Variants in HUS1 observed in about 807,000 individuals in gnomAD.
HUS1 encodes the protein checkpoint protein HUS1.
A neutral mutation model predicts 32.6 loss-of-function variants in HUS1; 31 were observed. That is an observed-to-expected ratio of 0.95 (90% CI 0.72 to 1.28). HUS1 has a LOEUF of 1.28. HUS1 is among the 50% of genes most tolerant of loss of function. The pLI is 0.00. For synonymous variants in HUS1, 123 were observed against 116.6 expected (o/e 1.06, Z -0.36); for missense variants, 340 against 337.7 (o/e 1.01, Z -0.05).
intron 7 of HUS1, 66 bp downstream of exon 7, chr7:47,967,740 C>T (rs563410843): frequency 2.3e-6 from 3 of 1,320,992 alleles, no homozygotes; most frequent in African/African-American, 1.5e-5. Context: ...ATCTGTTAGA[C>T]TAGAGTTGAC....
At chr7:47,972,094 A>G (rs963727627) in intron 5 of HUS1, among the ~76,000 whole-genome samples, 55 of 152,272 alleles carry the variant, frequency 3.6e-4, no homozygotes, top group African/African-American at 1.3e-3. Flanking sequence ...TTTTCCTACA[A>G]TCTGGAACAA....
intron 7 of HUS1, among the ~76,000 whole-genome samples, 173 bp from the exon 8 acceptor site, chr7:47,965,611 T>A (rs377500507): frequency 6.6e-6 from 1 of 152,172 alleles, no homozygotes; most frequent in East Asian, 1.9e-4. Flanking sequence ...TGAGGCTACA[T>A]CACGGCCCCA....
rs1788688399 is a variant in HUS1 at position 47,975,674 on chromosome 7, AAATAAATACTAACC to A, written c.466-1_478del. On this transcript the variant is annotated splice_acceptor_variant and coding_sequence_variant, in exon 5 of 8. Coordinates refer to ENST00000258774, the MANE Select transcript of HUS1 (RefSeq NM_004507.4). LOFTEE classifies it high-confidence loss of function. ...ACTCTTCATAGTCTTCAAGACTGGT[AAATAAATACTAACC>A]TACAAAACCAATGAGAAAAAAGCAC... 2 of 1,585,840 alleles carry A rather than the reference AAATAAATACTAACC, an allele frequency of 1.3e-6. No individual in the cohort carries two copies. Among genetic ancestry groups the A allele is most frequent in the East Asian group, 4.5e-5 (2 of 44,748 alleles).
rs963706140 is a variant in HUS1, at chr7:47,975,652, C to G, written c.501G>C (p.Lys167Asn). 36 of 1,603,766 alleles carry G rather than the reference C, an allele frequency of 2.2e-5. No homozygotes were observed. Among genetic ancestry groups the G allele is most frequent in the Non-Finnish European group, 2.9e-5 (34 of 1,171,794 alleles). The part of the protein sequence containing the change: ...SIYLPVLKTM[K>N]SVVEKMKNIS... ...TGTTTTTCATTTTTTCCACAACACT[C>G]TTCATAGTCTTCAAGACTGGTAAAT... Residue 167 changes from lysine to asparagine, a missense_variant, in exon 5 of 8, where the codon AAG becomes AAC. Physicochemically the swap from Lys to Asn is moderately conservative, Grantham distance 94. Transcript: ENST00000258774.
At chr7:47,971,919 G>A (rs1317484895) in intron 5 of HUS1, among the ~76,000 whole-genome samples, 1 of 152,090 alleles carries the variant, frequency 6.6e-6, no homozygotes, top group East Asian at 1.9e-4. Flanking sequence ...CAGAAACAAA[G>A]TTTTTCTAAT....
chr7:47,965,386 G>C lies in HUS1; in HGVS notation c.813C>G (p.Ser271=). ...VHFDLLHEDV[S]LQYFIPALS Reference sequence around the variant, plus strand: ...ACAGCGCAGGGATGAAATACTGAAGGGACACGTCTTCATGAAGCAGATCAA... The same window carrying C: ...ACAGCGCAGGGATGAAATACTGAAGCGACACGTCTTCATGAAGCAGATCAA... Residue 271 remains serine, a synonymous_variant, in exon 8 of 8, where the codon TCC becomes TCG. Transcript: ENST00000258774. 1 of 1,613,298 alleles carries C rather than the reference G, an allele frequency of 6.2e-7. No individual in the cohort carries two copies. Among genetic ancestry groups the C allele is most frequent in the Non-Finnish European group, 8.5e-7 (1 of 1,179,334 alleles).
In HUS1 at chr7:47,979,541, G is replaced by T; in HGVS notation, c.-22C>A. 6.3e-7 allele frequency: 1 copy of T among 1,590,108 alleles called. No homozygotes were observed. ...TCATGGCCGCGGATGGCGCAGCCGC[G>T]GCGGGCCTCTGTGGGTAACAGAAAA... On this transcript the variant is annotated 5_prime_UTR_variant, in exon 1 of 8. Coordinates refer to ENST00000258774, the MANE Select transcript of HUS1 (RefSeq NM_004507.4).
At chr7:47,978,231 TAAC>T (rs1311208175) in intron 3 of HUS1, 183 bp downstream of exon 3, 3 of 531,968 alleles carry the variant, frequency 5.6e-6, no homozygotes, top group South Asian at 6.3e-5. Context: ...ATGCATATGA[TAAC>T]AACACAATTT....
At chr7:47,968,533 T>C (rs1268133880) in intron 6 of HUS1, among the ~76,000 whole-genome samples, 1 of 152,178 alleles carries the variant, frequency 6.6e-6, no homozygotes, top group Non-Finnish European at 1.5e-5. Context: ...CTAGGGCCGA[T>C]TTTATTGGTT....
chr7:47,978,181 TG>T, intron 3 of HUS1: 4 of 422,326 alleles, frequency 9.5e-6, no homozygotes, highest in Non-Finnish European at 1.3e-5. Flanking sequence ...ACAGAGAGGC[TG>T]GAAGTTTCAC....
chr7:47,966,703 C>G (rs2708903), intron 7 of HUS1, among the ~76,000 whole-genome samples: 1 of 152,094 alleles, frequency 6.6e-6, no homozygotes, highest in South Asian at 2.1e-4. Context: ...CCATGCACAT[C>G]GAGGTTCTCA....
intron 5 of HUS1, among the ~76,000 whole-genome samples, chr7:47,970,242 A>G (rs1788569954): frequency 6.7e-6 from 1 of 149,020 alleles, no homozygotes; most frequent in African/African-American, 2.5e-5. Flanking sequence ...CAAAAAAAAA[A>G]AAAAAAAAAA....
chr7:47,965,564 T>C, intron 7 of HUS1, 126 bp from the exon 8 acceptor site: 1 of 645,490 alleles, frequency 1.5e-6, no homozygotes, highest in Non-Finnish European at 2.8e-6. Flanking sequence ...CTGAGGCAGC[T>C]GCAGAGACCA....
intron 5 of HUS1, among the ~76,000 whole-genome samples, chr7:47,972,935 G>C (rs1230127689): frequency 6.6e-6 from 1 of 152,170 alleles, no homozygotes; most frequent in East Asian, 1.9e-4. Context: ...ATCTCATCTC[G>C]AATTGTAATC....
chr7:47,966,327 T>C (rs1788477213), intron 7 of HUS1, among the ~76,000 whole-genome samples: 2 of 152,224 alleles, frequency 1.3e-5, no homozygotes, highest in African/African-American at 4.8e-5. Flanking sequence ...AAATTTTTGC[T>C]ACATCACAAT....
intron 3 of HUS1, 130 bp from the exon 4 acceptor site, chr7:47,976,967 A>G: frequency 1.6e-6 from 1 of 618,230 alleles, no homozygotes; most frequent in South Asian, 2.0e-5. Context: ...TTATTCACTC[A>G]AAAGCCATTC....
At chr7:47,968,055 C>T in intron 6 of HUS1, 130 bp from the exon 7 acceptor site, 1 of 866,792 alleles carries the variant, frequency 1.2e-6, no homozygotes, top group Non-Finnish European at 1.7e-6. Flanking sequence ...AGAAATATTG[C>T]AACTTGTAAA....
chr7:47,963,768 T>C lies in HUS1; in HGVS notation c.*1588A>G, dbSNP rs1788418249. Reference sequence around the variant, plus strand: ...TAAAAATACAAAAATTAGCCGGGCGTGGTGGCATGCGCCTGTAGTCCCAGC... The same window carrying C: ...TAAAAATACAAAAATTAGCCGGGCGCGGTGGCATGCGCCTGTAGTCCCAGC... On this transcript the variant is annotated 3_prime_UTR_variant, in exon 8 of 8. Coordinates refer to ENST00000258774, the MANE Select transcript of HUS1 (RefSeq NM_004507.4). 6.6e-6 allele frequency: 1 copy of C among 151,954 alleles called. No individual in the cohort carries two copies. The highest frequency in any genetic ancestry group is 2.4e-5 in the African/African-American group (1 of 41,354). 9.4% of individuals were successfully genotyped at this position (151,954 alleles called of 1,614,324 possible). A position where few individuals can be genotyped will look rare whatever the true frequency, so the allele number is the denominator to read the frequency against.
intron 5 of HUS1, among the ~76,000 whole-genome samples, chr7:47,974,757 T>C (rs570574379): frequency 6.6e-6 from 1 of 152,192 alleles, no homozygotes; most frequent in East Asian, 1.9e-4. Flanking sequence ...AACCTACACA[T>C]TTCCCACCAC....
Sources: gnomAD v4.1 joint callset for allele counts (sites outside exome capture counted in the v4.1 genomes callset) on GRCh38, gnomAD v4.1.1 for gene constraint, MANE v1.5 for transcripts, NCBI Gene and HGNC (gene_info 2026-07-23, HGNC 2026-07-21) for gene names.